The following OXSR1 variants were observed in gnomAD, a reference collection of about 807,000 sequenced individuals.
OXSR1 encodes oxidative stress responsive kinase 1.
OXSR1 carries 24 observed loss-of-function variants against 79.8 expected under a neutral mutation model. The ratio of observed to expected loss-of-function variants is 0.30; its 90% CI spans 0.22 to 0.42. OXSR1 has a LOEUF of 0.42. Ranked by LOEUF, OXSR1 falls within the 10% of genes least tolerant of loss-of-function variation. The pLI is 1.00. For synonymous variants in OXSR1, 226 were observed against 209.2 expected (o/e 1.08, Z -0.69); for missense variants, 430 against 618.4 (o/e 0.70, Z 3.23).
intron 15 of OXSR1, 31 bp downstream of exon 15, chr3:38,250,049 A>G (rs777027102): frequency 8.8e-6 from 12 of 1,358,488 alleles, no homozygotes; most frequent in Non-Finnish European, 1.3e-5. Context: ...AAAACAAAAT[A>G]GCTTCCAATT....
At chr3:38,184,446 T>C (rs1701842810) in intron 2 of OXSR1, among the ~76,000 whole-genome samples, 1 of 152,186 alleles carries the variant, frequency 6.6e-6, no homozygotes, top group Non-Finnish European at 1.5e-5. Flanking sequence ...ACACTTGAAC[T>C]GCAGTGATGA....
intron 4 of OXSR1, among the ~76,000 whole-genome samples, chr3:38,207,133 C>T (rs1221942157): frequency 6.6e-6 from 1 of 152,150 alleles, no homozygotes; most frequent in Non-Finnish European, 1.5e-5. Context: ...TCTCTGTCAC[C>T]ACTACTTTGT....
chr3:38,201,303 C>T (rs953631396), intron 4 of OXSR1, among the ~76,000 whole-genome samples: 8 of 152,046 alleles, frequency 5.3e-5, no homozygotes, highest in African/African-American at 1.7e-4. Context: ...CATGGTGGCT[C>T]ACGCCTATAA....
chr3:38,167,762 C>T (rs1373830586), intron 1 of OXSR1, among the ~76,000 whole-genome samples: 1 of 152,150 alleles, frequency 6.6e-6, no homozygotes, highest in African/African-American at 2.4e-5. Context: ...AGCTAGTTCC[C>T]GGTCTGGACT....
chr3:38,220,530 T>G (rs1245867302), intron 5 of OXSR1, among the ~76,000 whole-genome samples: 2 of 152,156 alleles, frequency 1.3e-5, no homozygotes, highest in East Asian at 3.8e-4. Flanking sequence ...CTCACTATAT[T>G]AGTTAAAGTT....
chr3:38,185,320 T>C (rs1230890751), intron 2 of OXSR1, among the ~76,000 whole-genome samples: 2 of 152,238 alleles, frequency 1.3e-5, no homozygotes, highest in South Asian at 2.1e-4. Flanking sequence ...CACAGTGGCT[T>C]ACGCCTGTAA....
At chr3:38,245,179 A>G (rs537011408) in intron 12 of OXSR1, among the ~76,000 whole-genome samples, 3 of 152,256 alleles carry the variant, frequency 2.0e-5, no homozygotes, top group East Asian at 3.9e-4. Context: ...CTTATGTAAT[A>G]TCACCTATTC....
At chr3:38,250,818 C>T (rs927437018) in intron 15 of OXSR1, among the ~76,000 whole-genome samples, 2 of 152,176 alleles carry the variant, frequency 1.3e-5, no homozygotes, top group Non-Finnish European at 2.9e-5. Flanking sequence ...ACTGTCTCCA[C>T]CGCAGTCCTC....
intron 2 of OXSR1, among the ~76,000 whole-genome samples, chr3:38,185,237 T>C (rs184770780): frequency 4.5e-4 from 68 of 152,198 alleles, no homozygotes; most frequent in African/African-American, 1.5e-3. Flanking sequence ...AAGACAACCA[T>C]AGGCAACACC....
chr3:38,203,322 T>G (rs1030917507), intron 4 of OXSR1, among the ~76,000 whole-genome samples: 1 of 152,140 alleles, frequency 6.6e-6, no homozygotes, highest in Non-Finnish European at 1.5e-5. Flanking sequence ...TTGTATGCAA[T>G]AAATATCAGC....
At chr3:38,196,614 C>T (rs1156623515) in intron 3 of OXSR1, among the ~76,000 whole-genome samples, 1 of 152,212 alleles carries the variant, frequency 6.6e-6, no homozygotes, top group Non-Finnish European at 1.5e-5. Flanking sequence ...TTGCTTTAAT[C>T]TTCCCATTGA....
At chr3:38,239,384 C>T (rs1702982438) in intron 11 of OXSR1, among the ~76,000 whole-genome samples, 1 of 151,986 alleles carries the variant, frequency 6.6e-6, no homozygotes, top group African/African-American at 2.4e-5. Context: ...GAGCTTTGTT[C>T]GGGGATACAT....
At chr3:38,219,806 TGATGA>T (rs1702553603) in intron 5 of OXSR1, among the ~76,000 whole-genome samples, 4 of 151,528 alleles carry the variant, frequency 2.6e-5, no homozygotes, top group African/African-American at 7.3e-5. Flanking sequence ...ATGATGATGA[TGATGA>T]TGATGATGAT....
chr3:38,196,800 C>A (rs1469268178), intron 3 of OXSR1, among the ~76,000 whole-genome samples: 1 of 152,140 alleles, frequency 6.6e-6, no homozygotes, highest in East Asian at 1.9e-4. Context: ...GTATATCTTG[C>A]CATATTTGGT....
intron 10 of OXSR1, among the ~76,000 whole-genome samples, chr3:38,234,785 G>A (rs1702885249): frequency 2.0e-5 from 3 of 152,218 alleles, no homozygotes; most frequent in Non-Finnish European, 4.4e-5. Flanking sequence ...AAATGTGTAC[G>A]CTGCTCATAG....
chr3:38,209,825 C>T (rs754229515), intron 4 of OXSR1, among the ~76,000 whole-genome samples: 19 of 151,712 alleles, frequency 1.3e-4, no homozygotes, highest in Non-Finnish European at 2.7e-4. Context: ...GGGTTTCACC[C>T]GTTAGCCAGG....
chr3:38,212,683 T>C (rs943536070), intron 4 of OXSR1, among the ~76,000 whole-genome samples: 1 of 152,226 alleles, frequency 6.6e-6, no homozygotes, highest in African/African-American at 2.4e-5. Flanking sequence ...TTTTTAATTT[T>C]AGAAGGAGTG....
chr3:38,164,667 C>G (rs189519497), upstream of OXSR1, among the ~76,000 whole-genome samples: 64 of 152,322 alleles, frequency 4.2e-4, 1 homozygote, highest in Admixed American at 3.7e-3. Context: ...GAGACAACCC[C>G]CAAATCCGTG....
chr3:38,201,995 A>G (rs1444770677), intron 4 of OXSR1, among the ~76,000 whole-genome samples: 1 of 152,248 alleles, frequency 6.6e-6, no homozygotes, highest in Admixed American at 6.5e-5. Context: ...TTATTAGAGC[A>G]TGATTAAAAT....
Sources: allele counts gnomAD v4.1 joint callset (sites outside exome capture counted in the v4.1 genomes callset), GRCh38; gene constraint gnomAD v4.1.1; transcripts MANE v1.5; gene names NCBI Gene and HGNC (gene_info 2026-07-23, HGNC 2026-07-21).